Variants in GSPT1 observed in about 807,000 individuals in gnomAD.
GSPT1 encodes G1 to S phase transition 1.
Under a neutral mutation model 72.5 loss-of-function variants are expected in GSPT1, and 20 were observed. The observed-to-expected ratio is 0.28, with a 90% CI of 0.19 to 0.40. GSPT1 has a LOEUF of 0.40. GSPT1 is among the 10% of genes least tolerant of loss of function. The pLI, the probability that GSPT1 is intolerant of heterozygous loss-of-function variation, is 1.00. For missense variants in GSPT1, 580 were observed against 811.9 expected, an observed-to-expected ratio of 0.71 and a Z score of 3.47; for synonymous variants, 334 against 293.5, an observed-to-expected ratio of 1.14 and a Z score of -1.41.
chr16:11,906,627 C>G (rs867824711), intron 1 of GSPT1, among the ~76,000 whole-genome samples: 1 of 152,118 alleles, frequency 6.6e-6, no homozygotes, highest in Non-Finnish European at 1.5e-5. Flanking sequence ...ATGTGAGACC[C>G]TGTCTCAAAA....
At chr16:11,912,373 A>C (rs456182) in intron 1 of GSPT1, among the ~76,000 whole-genome samples, 9,457 of 151,018 alleles carry the variant, frequency 0.063, 382 homozygotes, top group South Asian at 0.16. Flanking sequence ...CAAAAAAAAA[A>C]CCTCCTCTTC....
At chr16:11,879,116 G>A (rs2054087183) in intron 11 of GSPT1, among the ~76,000 whole-genome samples, 2 of 150,854 alleles carry the variant, frequency 1.3e-5, no homozygotes, top group Admixed American at 1.3e-4. Context: ...TAAAAAAAAG[G>A]CCGGGCACAG....
At chr16:11,875,685 CT>C in intron 14 of GSPT1, 75 bp downstream of exon 14, 1 of 1,018,468 alleles carries the variant, frequency 9.8e-7, no homozygotes, top group South Asian at 1.6e-5. Context: ...GCAATGTGTA[CT>C]GTACTGAGAT....
In GSPT1 at chr16:11,870,136, G is replaced by C. The variant is rs2053962659; in HGVS notation, c.*2983C>G. The C allele has an allele frequency of 1.3e-5, 2 of 152,038 alleles. No homozygotes were observed. The highest frequency in any genetic ancestry group is 1.5e-5 in the Non-Finnish European group (1 of 67,988). The allele number at this position is 152,038 out of a possible 1,614,324, so 9.4% of individuals were successfully genotyped here. A position where few individuals can be genotyped will look rare whatever the true frequency, so the allele number is the denominator to read the frequency against. On this transcript the variant is annotated 3_prime_UTR_variant, in exon 15 of 15. Coordinates refer to ENST00000434724, the MANE Select transcript of GSPT1 (RefSeq NM_002094.4). ...CAACTCACAAAAAAAAAATACATGG[G>C]CTTAATTACTCAGTAACACTTTACT...
chr16:11,890,132 T>C (rs891380731), intron 6 of GSPT1, among the ~76,000 whole-genome samples: 1 of 151,746 alleles, frequency 6.6e-6, no homozygotes, highest in Non-Finnish European at 1.5e-5. Flanking sequence ...AGCTAATTTT[T>C]TGTATTTTTA....
chr16:11,897,118 G>A (rs965934681), intron 3 of GSPT1, among the ~76,000 whole-genome samples: 2 of 152,108 alleles, frequency 1.3e-5, no homozygotes, highest in Non-Finnish European at 2.9e-5. Flanking sequence ...CACCCTGATA[G>A]TAAGAAAAAA....
chr16:11,901,060 G>T (rs1257861314), intron 1 of GSPT1, among the ~76,000 whole-genome samples: 1 of 152,216 alleles, frequency 6.6e-6, no homozygotes, highest in African/African-American at 2.4e-5. Context: ...TGCAGTCCCA[G>T]CTGCTCCGGG....
At chr16:11,891,274 A>C (rs988916070) in intron 5 of GSPT1, 135 bp from the exon 6 acceptor site, 2 of 276,236 alleles carry the variant, frequency 7.2e-6, no homozygotes, top group African/African-American at 4.5e-5. Flanking sequence ...TGTCTAAAAA[A>C]ATATAAAATA....
At chr16:11,895,153 G>A in intron 4 of GSPT1, 166 bp from the exon 5 acceptor site, 1 of 543,400 alleles carries the variant, frequency 1.8e-6, no homozygotes, top group South Asian at 2.1e-5. Flanking sequence ...CCTCAAGGCT[G>A]GGCTCGGTGG....
intron 10 of GSPT1, among the ~76,000 whole-genome samples, chr16:11,883,387 G>C (rs570707812): frequency 6.8e-6 from 1 of 147,960 alleles, no homozygotes; most frequent in African/African-American, 2.5e-5. Flanking sequence ...GTGGAGGTGG[G>C]TGGACCACCT....
rs1319018758 is a variant in GSPT1, at chr16:11,915,429, G to C, written c.292C>G (p.Pro98Ala). 1 of 1,517,552 alleles carries C rather than the reference G, an allele frequency of 6.6e-7. No individual in the cohort carries two copies. The highest frequency in any genetic ancestry group is 1.5e-5 in the African/African-American group (1 of 68,942). The allele number at this position is 1,517,552 out of a possible 1,614,324, so 94.0% of individuals were successfully genotyped here. ...TTATTGGCGGCGCCGCCAACTGGGG[G>C]TGGCGGCGCTGCCGGGCCCCGCAGG... is the stretch of plus-strand genomic sequence containing the variant. The part of the protein sequence containing the change: ...SFLRGPAAPP[P>A]PVGGAANNHG... Residue 98 changes from proline (P) to alanine (A), a missense_variant, in exon 1 of 15, where the codon CCC (proline) becomes GCC (alanine). Pro to Ala is a conservative substitution (Grantham distance 27, BLOSUM62 -1). Coordinates refer to ENST00000434724, the MANE Select transcript of GSPT1 (RefSeq NM_002094.4).
rs1330648796 is a variant in GSPT1 at position 11,870,608 on chromosome 16, C to T, written c.*2511G>A. On this transcript the variant is annotated 3_prime_UTR_variant, in exon 15 of 15. Coordinates refer to ENST00000434724, the MANE Select transcript of GSPT1 (RefSeq NM_002094.4). ...ACGGTCCAACATCTCCACATAATGCCAAGTTCACCTTAGACATTTTATTTA... is the reference window on the plus strand; with the variant it reads ...ACGGTCCAACATCTCCACATAATGCTAAGTTCACCTTAGACATTTTATTTA... 6.6e-6 allele frequency: 1 copy of T among 152,190 alleles called. No individual in the cohort carries two copies. Among genetic ancestry groups the T allele is most frequent in the African/African-American group, 2.4e-5 (1 of 41,432 alleles). The allele number at this position is 152,190 out of a possible 1,614,324, so 9.4% of individuals were successfully genotyped here. A position where few individuals can be genotyped will look rare whatever the true frequency, so the allele number is the denominator to read the frequency against.
Position 11,869,300 on chromosome 16 carries a change from C to A in GSPT1, c.*3819G>T, listed in dbSNP as rs1245609944. 6.6e-6 allele frequency: 1 copy of A among 152,108 alleles called. No individual in the cohort carries two copies. The highest frequency in any genetic ancestry group is 2.4e-5 in the African/African-American group (1 of 41,392). The allele number at this position is 152,108 out of a possible 1,614,324, so 9.4% of individuals were successfully genotyped here. A position where few individuals can be genotyped will look rare whatever the true frequency, so the allele number is the denominator to read the frequency against. On this transcript the variant is annotated 3_prime_UTR_variant, in exon 15 of 15. Coordinates refer to ENST00000434724, the MANE Select transcript of GSPT1 (RefSeq NM_002094.4). Reference sequence around the variant, plus strand: ...TGCATGTGCAATTACACTTACTTAACAAGATGCTGCCATGGCGAGATCTCT... The same window carrying A: ...TGCATGTGCAATTACACTTACTTAAAAAGATGCTGCCATGGCGAGATCTCT...
intron 11 of GSPT1, among the ~76,000 whole-genome samples, chr16:11,880,064 G>A (rs2054103013): frequency 6.6e-6 from 1 of 152,122 alleles, no homozygotes; most frequent in Non-Finnish European, 1.5e-5. Flanking sequence ...ACTATTCCAG[G>A]TACCTCATTT....
chr16:11,875,005 C>T (rs905027899), intron 14 of GSPT1, among the ~76,000 whole-genome samples: 1 of 152,140 alleles, frequency 6.6e-6, no homozygotes, highest in Non-Finnish European at 1.5e-5. Flanking sequence ...TCCTGGCTAA[C>T]GTGGTGAAAC....
At chr16:11,907,304 G>A (rs1443104994) in intron 1 of GSPT1, among the ~76,000 whole-genome samples, 2 of 152,160 alleles carry the variant, frequency 1.3e-5, no homozygotes, top group Non-Finnish European at 2.9e-5. Context: ...AATAAACTTT[G>A]AAATGACCTC....
chr16:11,887,434 G>A, intron 7 of GSPT1, 136 bp downstream of exon 7: 1 of 683,408 alleles, frequency 1.5e-6, no homozygotes, highest in East Asian at 2.7e-5. Flanking sequence ...AGATTAGTAT[G>A]ATGAAAACTG....
chr16:11,910,959 T>C (rs775672055), intron 1 of GSPT1, among the ~76,000 whole-genome samples: 1 of 152,104 alleles, frequency 6.6e-6, no homozygotes, highest in Non-Finnish European at 1.5e-5. Context: ...TGTAAAACCA[T>C]GAAACAAGAG....
intron 5 of GSPT1, among the ~76,000 whole-genome samples, chr16:11,892,531 A>AAAAAAAAAAAAAAAAAAAT (rs1567443313): frequency 7.9e-5 from 11 of 139,928 alleles, no homozygotes; most frequent in African/African-American, 3.1e-4. Context: ...AACAAAAAAA[A>AAAAAAAAAAAAAAAAAAAT]CAAAAAATAA....
Sources: gnomAD v4.1 joint callset for allele counts (sites outside exome capture counted in the v4.1 genomes callset) on GRCh38, gnomAD v4.1.1 for gene constraint, MANE v1.5 for transcripts, NCBI Gene and HGNC (gene_info 2026-07-23, HGNC 2026-07-21) for gene names.